Variants in PRDM5 observed in about 807,000 individuals in gnomAD.
PRDM5 encodes PR/SET domain 5, also known as PR domain zinc finger protein 5.
Under a neutral mutation model 81.2 loss-of-function variants are expected in PRDM5, and 56 were observed. The ratio of observed to expected loss-of-function variants is 0.69; its 90% CI spans 0.56 to 0.86. PRDM5 has a LOEUF of 0.86. PRDM5 is among the 40% of genes least tolerant of loss of function. The pLI, the probability that PRDM5 is intolerant of heterozygous loss-of-function variation, is 0.00. For synonymous variants in PRDM5, 267 were observed against 256.4 expected (o/e 1.04, Z -0.39); for missense variants, 697 against 770.1 (o/e 0.91, Z 1.12).
intron 2 of PRDM5, among the ~76,000 whole-genome samples, chr4:120,884,176 T>C (rs1015777286): frequency 6.6e-6 from 1 of 152,178 alleles, no homozygotes; most frequent in African/African-American, 2.4e-5. Flanking sequence ...TGGTCTCATA[T>C]ATACATAGAA....
chr4:120,817,247 G>C (rs1164247309), intron 5 of PRDM5, among the ~76,000 whole-genome samples: 1 of 152,028 alleles, frequency 6.6e-6, no homozygotes, highest in Non-Finnish European at 1.5e-5. Context: ...TATTATAAAA[G>C]TTTTGATATT....
chr4:120,686,685 A>G (rs930118276), intron 1 of PRDM5, among the ~76,000 whole-genome samples: 23 of 152,058 alleles, frequency 1.5e-4, no homozygotes, highest in Non-Finnish European at 2.9e-4. Context: ...TTAAATATCT[A>G]TATTAACACT....
At chr4:120,906,307 C>T (rs1296458326) in intron 2 of PRDM5, among the ~76,000 whole-genome samples, 1 of 152,132 alleles carries the variant, frequency 6.6e-6, no homozygotes, top group African/African-American at 2.4e-5. Context: ...TTGCCACTGT[C>T]TTCCAATTGC....
chr4:120,734,125 G>A (rs2149091069), intron 14 of PRDM5, among the ~76,000 whole-genome samples: 1 of 152,158 alleles, frequency 6.6e-6, no homozygotes, highest in South Asian at 2.1e-4. Flanking sequence ...AGGAGGAAGG[G>A]GGCACGGGCG....
chr4:120,842,968 T>C (rs769504833), intron 3 of PRDM5, among the ~76,000 whole-genome samples: 2 of 152,214 alleles, frequency 1.3e-5, no homozygotes, highest in Non-Finnish European at 2.9e-5. Flanking sequence ...GACACAACTT[T>C]CTAATATCCA....
intron 13 of PRDM5, among the ~76,000 whole-genome samples, chr4:120,763,116 G>C (rs536751972): frequency 1.3e-5 from 2 of 152,200 alleles, no homozygotes; most frequent in Non-Finnish European, 2.9e-5. Context: ...TACAGTTACA[G>C]TATCCCTCCC....
At chr4:120,861,049 C>A (rs1025918257) in intron 2 of PRDM5, among the ~76,000 whole-genome samples, 1 of 152,138 alleles carries the variant, frequency 6.6e-6, no homozygotes, top group Non-Finnish European at 1.5e-5. Context: ...GCTCTGTGGC[C>A]CAGGCTGGAG....
At chr4:120,743,995 C>A (rs1014455185) in intron 14 of PRDM5, among the ~76,000 whole-genome samples, 1 of 151,996 alleles carries the variant, frequency 6.6e-6, no homozygotes, top group Admixed American at 6.6e-5. Flanking sequence ...CAGCACCACA[C>A]CACACCTATT....
rs969648603 is a variant in PRDM5, at chr4:120,799,170, G to A, written c.1030+491C>T. On this transcript the variant is annotated intron_variant, in intron 9 of 15. Coordinates refer to ENST00000264808, the MANE Select transcript of PRDM5 (RefSeq NM_018699.4). ...TAAGACTTGCTTAAATGAAACTACC[G>A]CTTTAAAAACTTACATACTCAAAAT... Among the ~76,000 whole-genome samples, 27 of 151,982 alleles carry A rather than the reference G, an allele frequency of 1.8e-4. 1 individual carries two copies. The highest frequency in any genetic ancestry group is 1.6e-3 in the Admixed American group (24 of 15,266).
chr4:120,799,328 C>G (rs915015765), intron 9 of PRDM5, among the ~76,000 whole-genome samples: 1 of 152,162 alleles, frequency 6.6e-6, no homozygotes, highest in African/African-American at 2.4e-5. Context: ...CCTAAATGAT[C>G]TCATTTAATC....
At chr4:120,896,833 G>A (rs890782275) in intron 2 of PRDM5, among the ~76,000 whole-genome samples, 9 of 151,836 alleles carry the variant, frequency 5.9e-5, no homozygotes, top group Middle Eastern at 3.4e-3. Context: ...ACAGGCACCC[G>A]CCACCACGCC....
chr4:120,789,379 C>A (rs1027001110), intron 10 of PRDM5, among the ~76,000 whole-genome samples: 1 of 152,138 alleles, frequency 6.6e-6, no homozygotes, highest in African/African-American at 2.4e-5. Flanking sequence ...AATTAAGGAC[C>A]ATTTACAATT....
chr4:120,790,978 C>G (rs147731651), intron 10 of PRDM5, among the ~76,000 whole-genome samples: 1 of 151,144 alleles, frequency 6.6e-6, no homozygotes, highest in East Asian at 2.0e-4. Flanking sequence ...AACACACATA[C>G]AATTTTACTC....
intron 2 of PRDM5, among the ~76,000 whole-genome samples, chr4:120,864,950 A>G (rs1761036962): frequency 1.3e-5 from 2 of 152,208 alleles, no homozygotes; most frequent in South Asian, 2.1e-4. Flanking sequence ...TGGCATAGGA[A>G]TATCTCCCTG....
At chr4:120,785,866 C>T (rs1307293976) in intron 10 of PRDM5, among the ~76,000 whole-genome samples, 1 of 151,904 alleles carries the variant, frequency 6.6e-6, no homozygotes, top group Admixed American at 6.6e-5. Context: ...AAACAAGAAA[C>T]AATGAAAAGC....
chr4:120,774,248 C>A (rs1578680144), intron 13 of PRDM5, among the ~76,000 whole-genome samples: 1 of 152,190 alleles, frequency 6.6e-6, no homozygotes, highest in African/African-American at 2.4e-5. Flanking sequence ...GTCCTCGCCA[C>A]TTCATTGTGT....
At chr4:120,750,618 A>T (rs1743845018) in intron 14 of PRDM5, among the ~76,000 whole-genome samples, 1 of 152,104 alleles carries the variant, frequency 6.6e-6, no homozygotes, top group Non-Finnish European at 1.5e-5. Context: ...CTAGCAGAAG[A>T]AGTATACCTA....
rs558419548 is a variant in PRDM5, at chr4:120,781,820, G to A, written c.1283-517C>T. ...TCAGAGCTCAGGCCCTCCCATTCTG[G>A]GAGAGGGAAAGTTACAATGCCCCTG... On this transcript the variant is annotated intron_variant, in intron 11 of 15. Coordinates refer to ENST00000264808, the MANE Select transcript of PRDM5 (RefSeq NM_018699.4). Among the ~76,000 whole-genome samples, 11 of 152,284 alleles carry A rather than the reference G, an allele frequency of 7.2e-5. No individual in the cohort carries two copies. The South Asian group carries it at 2.3e-3, about 32-fold the overall frequency.
intron 14 of PRDM5, among the ~76,000 whole-genome samples, chr4:120,718,121 A>T (rs182151574): frequency 3.9e-5 from 6 of 152,322 alleles, no homozygotes; most frequent in African/African-American, 1.4e-4. Flanking sequence ...CTCTGTGGTT[A>T]TATCTTCTGT....
Sources: allele counts gnomAD v4.1 joint callset (sites outside exome capture counted in the v4.1 genomes callset), GRCh38; gene constraint gnomAD v4.1.1; transcripts MANE v1.5; gene names NCBI Gene and HGNC (gene_info 2026-07-23, HGNC 2026-07-21).